TNNI1: variants seen among roughly 807,000 people sequenced by gnomAD.
The protein encoded by TNNI1 is troponin I, slow skeletal muscle.
A neutral mutation model predicts 26.7 loss-of-function variants in TNNI1; 14 were observed. The observed-to-expected ratio is 0.52, with a 90% CI of 0.35 to 0.82. The LOEUF is 0.82. Among genes scored for constraint, TNNI1 ranks in the 40% least tolerant of loss-of-function variants. The pLI is 0.01. For synonymous variants in TNNI1, 79 were observed against 98.2 expected (o/e 0.80, Z 1.16); for missense variants, 164 against 257.0 (o/e 0.64, Z 2.47).
At chr1:201,417,262 T>A (rs1006011135) in intron 2 of TNNI1, 143 bp from the exon 3 acceptor site, 5 of 1,082,034 alleles carry the variant, frequency 4.6e-6, no homozygotes, top group Non-Finnish European at 7.2e-6. Context: ...AGCCAGAAAG[T>A]CATCAGGCAT....
intron 2 of TNNI1, 171 bp downstream of exon 2, chr1:201,417,612 G>A: frequency 5.9e-6 from 3 of 509,106 alleles, no homozygotes; most frequent in Non-Finnish European, 9.7e-6. Flanking sequence ...CAATGGCTGG[G>A]AGGACACAGG....
chr1:201,412,319 C>A (rs1022029280), intron 6 of TNNI1, among the ~76,000 whole-genome samples: 18 of 152,118 alleles, frequency 1.2e-4, no homozygotes, highest in African/African-American at 4.3e-4. Context: ...GGAGGAATTC[C>A]CAGGGTGTGA....
At chr1:201,416,763 A>C (rs1383109709) in intron 3 of TNNI1, among the ~76,000 whole-genome samples, 1 of 152,178 alleles carries the variant, frequency 6.6e-6, no homozygotes, top group South Asian at 2.1e-4. Context: ...TCAGCTCTGC[A>C]TGGAATAGGA....
At chr1:201,412,546 C>T (rs1010714810) in intron 6 of TNNI1, among the ~76,000 whole-genome samples, 1 of 152,192 alleles carries the variant, frequency 6.6e-6, no homozygotes, top group Non-Finnish European at 1.5e-5. Context: ...TAAGGGAGCA[C>T]AGAGCACCGG....
intron 8 of TNNI1, chr1:201,410,054 G>C: frequency 2.8e-6 from 1 of 357,902 alleles, no homozygotes; most frequent in Non-Finnish European, 5.1e-6. Flanking sequence ...CTGGTCCCAG[G>C]ACCACACTTG....
At chr1:201,414,679 G>T in intron 4 of TNNI1, 30 bp from the exon 5 acceptor site, 5 of 1,603,900 alleles carry the variant, frequency 3.1e-6, no homozygotes, top group African/African-American at 1.3e-5. Flanking sequence ...TGAGCTGGGG[G>T]CCTCACATCT....
chr1:201,420,504 C>T (rs1464512147), intron 1 of TNNI1, among the ~76,000 whole-genome samples: 1 of 151,956 alleles, frequency 6.6e-6, no homozygotes, highest in Non-Finnish European at 1.5e-5. Context: ...GGCTTTGCAG[C>T]GTGGAAGGGA....
chr1:201,420,195 G>A (rs573711088), intron 1 of TNNI1, among the ~76,000 whole-genome samples: 90 of 152,228 alleles, frequency 5.9e-4, no homozygotes, highest in African/African-American at 2.1e-3. Context: ...GCCAAGCTCC[G>A]GGGCCTGCCC....
rs1285300620 is a variant in TNNI1 at position 201,409,266 on chromosome 1, G to C, written c.*3-16C>G. ...GCAAGCTGGCCTGTAGGGACAAAGA[G>C]GCAAAGCCATCAGTTCCCGGGGACC... On this transcript the variant is annotated splice_polypyrimidine_tract_variant and intron_variant, in intron 8 of 8. Transcript: ENST00000361379. The C allele has an allele frequency of 6.6e-6, 1 of 152,262 alleles. No homozygotes were observed. Among genetic ancestry groups the C allele is most frequent in the East Asian group, 1.9e-4 (1 of 5,188 alleles). 9.4% of individuals were successfully genotyped at this position (152,262 alleles called of 1,614,324 possible). A position where few individuals can be genotyped will look rare whatever the true frequency, so the allele number is the denominator to read the frequency against.
intron 5 of TNNI1, among the ~76,000 whole-genome samples, chr1:201,413,857 T>C (rs1442332144): frequency 6.6e-6 from 1 of 152,112 alleles, no homozygotes; most frequent in Non-Finnish European, 1.5e-5. Context: ...GGTCTCACAC[T>C]ATGTTGCCCA....
At chr1:201,416,057 C>T (rs1662733445) in intron 3 of TNNI1, among the ~76,000 whole-genome samples, 1 of 152,088 alleles carries the variant, frequency 6.6e-6, no homozygotes, top group Non-Finnish European at 1.5e-5. Context: ...GCCGGCAGAG[C>T]ATGGCTCTCA....
intron 1 of TNNI1, among the ~76,000 whole-genome samples, chr1:201,419,151 C>A (rs376654366): frequency 8.2e-4 from 125 of 152,286 alleles, no homozygotes; most frequent in African/African-American, 2.9e-3. Flanking sequence ...ACAAAAAGAG[C>A]CAAATGGCAC....
At chr1:201,417,911 A>G (rs1467601887) in intron 1 of TNNI1, 99 bp from the exon 2 acceptor site, 2 of 904,638 alleles carry the variant, frequency 2.2e-6, no homozygotes, top group African/African-American at 3.4e-5. Flanking sequence ...GAGTCAGAAC[A>G]CAAAAGGAAG....
At position 201,409,021 on chromosome 1, in the gene TNNI1, C is replaced by G. The variant is rs955031805; in HGVS notation, c.*232G>C. ...GGTGGCTGAGAAGCCCCAGGTGCCTCATGGGTGGATAGAAGCCCACCCTGC... is the reference window on the plus strand; with the variant it reads ...GGTGGCTGAGAAGCCCCAGGTGCCTGATGGGTGGATAGAAGCCCACCCTGC... On this transcript the variant is annotated 3_prime_UTR_variant, in exon 9 of 9. Coordinates refer to ENST00000361379, the MANE Select transcript of TNNI1 (RefSeq NM_003281.4). The G allele has an allele frequency of 6.6e-6, 1 of 152,242 alleles. No individual in the cohort carries two copies. The highest frequency in any genetic ancestry group is 2.4e-5 in the African/African-American group (1 of 41,450). The allele number at this position is 152,242 out of a possible 1,614,324, so 9.4% of individuals were successfully genotyped here.
chr1:201,406,351 A>G lies in TNNI1; in HGVS notation c.*2902T>C, dbSNP rs1241653861. On this transcript the variant is annotated 3_prime_UTR_variant, in exon 9 of 9. Transcript: ENST00000361379. ...ATATTACTATTATTGAAATGCTGTT[A>G]TTAAAATAGTCGATAAGAGTATGGA... 34 of 152,220 alleles carry G rather than the reference A, an allele frequency of 2.2e-4. No homozygotes were observed. The highest frequency in any genetic ancestry group is 2.2e-3 in the Admixed American group (34 of 15,288). The allele number at this position is 152,220 out of a possible 1,614,324, so 9.4% of individuals were successfully genotyped here. A position where few individuals can be genotyped will look rare whatever the true frequency, so the allele number is the denominator to read the frequency against.
At chr1:201,421,636 C>CA (rs1251313784) in intron 1 of TNNI1, 37 bp downstream of exon 1, 2 of 152,232 alleles carry the variant, frequency 1.3e-5, no homozygotes, top group Non-Finnish European at 2.9e-5. Flanking sequence ...TGCCTGGGAT[C>CA]AACCTACATC....
chr1:201,417,628 C>T, intron 2 of TNNI1, 155 bp downstream of exon 2: 1 of 571,184 alleles, frequency 1.8e-6, no homozygotes. Context: ...ACAGGCAGCA[C>T]AGGGGAAACC....
At chr1:201,413,217 C>A (rs150231356) in intron 5 of TNNI1, 96 bp from the exon 6 acceptor site, 892 of 1,388,200 alleles carry the variant, frequency 6.4e-4, no homozygotes, top group Middle Eastern at 1.6e-3. Context: ...CTTTGCAAGA[C>A]CTGGGATCCA....
intron 4 of TNNI1, among the ~76,000 whole-genome samples, 169 bp downstream of exon 4, chr1:201,415,044 A>G (rs573711427): frequency 1.3e-5 from 2 of 152,292 alleles, no homozygotes; most frequent in East Asian, 3.9e-4. Context: ...CCTACTGATC[A>G]CCTGAGCCTG....
Sources: allele counts gnomAD v4.1 joint callset (sites outside exome capture counted in the v4.1 genomes callset), GRCh38; gene constraint gnomAD v4.1.1; transcripts MANE v1.5; gene names NCBI Gene and HGNC (gene_info 2026-07-23, HGNC 2026-07-21).